The following KCNQ1 variants were observed in gnomAD, a reference collection of about 807,000 sequenced individuals.
KCNQ1 encodes the protein potassium voltage-gated channel subfamily KQT member 1.
In KCNQ1, 49 loss-of-function variants were observed where a neutral mutation model predicts 72.4. That is an observed-to-expected ratio of 0.68 (90% CI 0.54 to 0.86). The LOEUF is 0.86. KCNQ1 is among the 40% of genes least tolerant of loss of function. KCNQ1 has a pLI of 0.00. For missense variants in KCNQ1, 790 were observed against 945.1 expected (o/e 0.84, Z 2.15); for synonymous variants, 450 against 412.6 (o/e 1.09, Z -1.10).
At chr11:2,810,150 T>C (rs1847458224) in intron 15 of KCNQ1, among the ~76,000 whole-genome samples, 1 of 152,238 alleles carries the variant, frequency 6.6e-6, no homozygotes, top group Non-Finnish European at 1.5e-5. Flanking sequence ...AGTCTTATAC[T>C]TGCTTTAGTC....
chr11:2,756,294 A>G (rs1846296500), intron 11 of KCNQ1, among the ~76,000 whole-genome samples: 2 of 152,228 alleles, frequency 1.3e-5, no homozygotes, highest in South Asian at 4.1e-4. Flanking sequence ...AGGGAGAGTG[A>G]GTAAACATGG....
chr11:2,661,393 T>C lies in KCNQ1; in HGVS notation c.1394-568T>C. On this transcript the variant is annotated intron_variant, in intron 10 of 15. Transcript: ENST00000155840. This position sits in a 1 kb window ranked among gnomAD's most constrained non-coding sequence, Gnocchi z 5.9. ...AGGAATCATAATGTGAAGCCAGCTG[T>C]TGGAGGGACTCCTGTGCCTCATTGG... 1 of 409,570 alleles carries C rather than the reference T, an allele frequency of 2.4e-6. No individual in the cohort carries two copies. Among genetic ancestry groups the C allele is most frequent in the Non-Finnish European group, 4.3e-6 (1 of 231,904 alleles). 25.4% of individuals were successfully genotyped at this position (409,570 alleles called of 1,614,324 possible). A position where few individuals can be genotyped will look rare whatever the true frequency, so the allele number is the denominator to read the frequency against.
At position 2,695,921 on chromosome 11, in the gene KCNQ1, C is replaced by CT. The variant is rs1178704587; in HGVS notation, c.1514+33843dup. ...ACCTTTTTCTTAATGATTTGTGGTG[C>CT]TTTCTGGTATATTTTAGCTGTTGTT... On this transcript the variant is annotated intron_variant, in intron 11 of 15. Transcript: ENST00000155840. The surrounding 1 kb of genome is among the most constrained non-coding windows in gnomAD (Gnocchi z 5.2). The CT allele has an allele frequency of 1.0e-5, 4 of 398,442 alleles. No individual in the cohort carries two copies. In the Admixed American group the frequency reaches 1.3e-4, roughly 13 times the overall value. 24.7% of individuals were successfully genotyped at this position (398,442 alleles called of 1,614,324 possible).
rs1194529942 is a variant in KCNQ1 at position 2,477,461 on chromosome 11, G to A, written c.386+31977G>A. Among the ~76,000 whole-genome samples, 1 of 152,188 alleles carries A rather than the reference G, an allele frequency of 6.6e-6. No homozygotes were observed. The highest frequency in any genetic ancestry group is 1.5e-5 in the Non-Finnish European group (1 of 68,040). ...ATGTTAGTGGCTCAATGGGCAGGGT[G>A]CCCAGGTTAGCTGTGAACAAAGTGA... On this transcript the variant is annotated intron_variant, in intron 1 of 15. Transcript: ENST00000155840. This position sits in a 1 kb window ranked among gnomAD's most constrained non-coding sequence, Gnocchi z 5.0.
chr11:2,810,976 G>A (rs934933253), intron 15 of KCNQ1, among the ~76,000 whole-genome samples: 6 of 152,220 alleles, frequency 3.9e-5, no homozygotes, highest in Non-Finnish European at 8.8e-5. Context: ...GGCCTGATGT[G>A]TGCCTCCACA....
intron 11 of KCNQ1, among the ~76,000 whole-genome samples, chr11:2,722,810 C>A (rs1328122450): frequency 1.3e-5 from 2 of 152,158 alleles, no homozygotes; most frequent in Non-Finnish European, 2.9e-5. Flanking sequence ...TCCCTCTACC[C>A]CACCAGGCTC....
Position 2,695,179 on chromosome 11 carries a change from C to T in KCNQ1, c.1514+33098C>T. The T allele has an allele frequency of 2.5e-6, 1 of 398,612 alleles. No homozygotes were observed. The allele number at this position is 398,612 out of a possible 1,614,324, so 24.7% of individuals were successfully genotyped here. ...GGACTCTGCACAGAGTTGATCACAG[C>T]CCTCAGCCTATGAAACACTGTCACC... is the stretch of plus-strand genomic sequence containing the variant. On this transcript the variant is annotated intron_variant, in intron 11 of 15. Coordinates refer to ENST00000155840, the MANE Select transcript of KCNQ1 (RefSeq NM_000218.3). This position sits in a 1 kb window ranked among gnomAD's most constrained non-coding sequence, Gnocchi z 5.2.
chr11:2,822,919 G>A (rs1364385540), intron 15 of KCNQ1, among the ~76,000 whole-genome samples: 1 of 147,486 alleles, frequency 6.8e-6, no homozygotes, highest in Non-Finnish European at 1.5e-5. Flanking sequence ...CAATTATGCT[G>A]CTGAATTAAA....
In KCNQ1 at chr11:2,671,539, T is replaced by A. The variant is rs534419432; in HGVS notation, c.1514+9458T>A. The A allele has an allele frequency of 2.5e-6, 1 of 398,536 alleles. No individual in the cohort carries two copies. Among genetic ancestry groups the A allele is most frequent in the Non-Finnish European group, 4.4e-6 (1 of 226,086 alleles). The allele number at this position is 398,536 out of a possible 1,614,324, so 24.7% of individuals were successfully genotyped here. On this transcript the variant is annotated intron_variant, in intron 11 of 15. Transcript: ENST00000155840. This position sits in a 1 kb window ranked among gnomAD's most constrained non-coding sequence, Gnocchi z 4.7. ...GGATTTTTCAAAGGTTAATTTTGAC[T>A]CTGCCTGACTTATCTCCTAAGTCTT...
In KCNQ1 at chr11:2,770,723, T is replaced by G. The variant is rs1237712053; in HGVS notation, c.1590+1804T>G. 2.0e-5 allele frequency among the ~76,000 whole-genome samples: 3 copies of G among 152,336 alleles called. No individual in the cohort carries two copies. The East Asian group carries it at 5.8e-4, about 29-fold the overall frequency. ...TCTGCCTGGCATGTTCTAGGGGAGA[T>G]CTGACAGCCCCTGTGGACCAGGGTG... On this transcript the variant is annotated intron_variant, in intron 12 of 15. Coordinates refer to ENST00000155840, the MANE Select transcript of KCNQ1 (RefSeq NM_000218.3).
chr11:2,571,246 C>G (rs1003255172), intron 3 of KCNQ1, 79 bp from the exon 4 acceptor site: 15 of 1,205,278 alleles, frequency 1.2e-5, no homozygotes, highest in Non-Finnish European at 1.9e-5. Flanking sequence ...CTTCCCCAGA[C>G]GAGAGCAGGG....
chr11:2,462,854 AGTG>A lies in KCNQ1; in HGVS notation c.386+17371_386+17373del, dbSNP rs1846298128. Among the ~76,000 whole-genome samples the A allele has an allele frequency of 6.6e-6, 1 of 152,108 alleles. No individual in the cohort carries two copies. The highest frequency in any genetic ancestry group is 6.5e-5 in the Admixed American group (1 of 15,268). ...GCTGGTGAGTCGGGGCCCAGCCCAG[AGTG>A]ACAGGGACCAAACCTGGGTCCATGT... On this transcript the variant is annotated intron_variant, in intron 1 of 15. Coordinates refer to ENST00000155840, the MANE Select transcript of KCNQ1 (RefSeq NM_000218.3). This position sits in a 1 kb window ranked among gnomAD's most constrained non-coding sequence, Gnocchi z 8.2.
At chr11:2,618,792 A>G (rs1019555066) in intron 10 of KCNQ1, 8 of 398,246 alleles carry the variant, frequency 2.0e-5, no homozygotes, top group Non-Finnish European at 3.5e-5. Context: ...CATTTTAACA[A>G]TATTATTCAG....
Position 2,691,199 on chromosome 11 carries a change from A to T in KCNQ1, c.1514+29118A>T. The T allele has an allele frequency of 2.5e-6, 1 of 398,612 alleles. No individual in the cohort carries two copies. Among genetic ancestry groups the T allele is most frequent in the Admixed American group, 4.4e-5 (1 of 22,738 alleles). The allele number at this position is 398,612 out of a possible 1,614,324, so 24.7% of individuals were successfully genotyped here. A position where few individuals can be genotyped will look rare whatever the true frequency, so the allele number is the denominator to read the frequency against. ...GGGTGCTCAGAGCTCAGCTGTGTTT[A>T]AAAATTAGCAAGTGGAGGAGTTAGA... On this transcript the variant is annotated intron_variant, in intron 11 of 15. Transcript: ENST00000155840. This position sits in a 1 kb window ranked among gnomAD's most constrained non-coding sequence, Gnocchi z 6.4.
chr11:2,628,377 CTGA>C (rs759784099), intron 10 of KCNQ1: 44 of 398,336 alleles, frequency 1.1e-4, no homozygotes, highest in Non-Finnish European at 1.9e-4. Flanking sequence ...TTGCATTTCC[CTGA>C]TGATAAGTGA....
rs1053636566 is a variant in KCNQ1 at position 2,468,031 on chromosome 11, G to T, written c.386+22547G>T. ...TTTCCTTTACCCCATCTGTAAAATA[G>T]GGATAACAGCAGCTTCTTAAAGGGC... On this transcript the variant is annotated intron_variant, in intron 1 of 15. Transcript: ENST00000155840. The surrounding 1 kb of genome is among the most constrained non-coding windows in gnomAD (Gnocchi z 5.7). 6.6e-6 allele frequency among the ~76,000 whole-genome samples: 1 copy of T among 152,260 alleles called. No homozygotes were observed. Among genetic ancestry groups the T allele is most frequent in the Non-Finnish European group, 1.5e-5 (1 of 68,040 alleles).
intron 10 of KCNQ1, chr11:2,625,669 G>A (rs889249053): frequency 2.8e-5 from 11 of 396,874 alleles, no homozygotes; most frequent in Admixed American, 4.4e-5. Flanking sequence ...TCTGCCTCCT[G>A]GGTTCACATC....
At position 2,498,734 on chromosome 11, in the gene KCNQ1, G is replaced by GA. The variant is rs1328062666; in HGVS notation, c.387-29188dup. Among the ~76,000 whole-genome samples the GA allele has an allele frequency of 6.6e-5, 10 of 152,162 alleles. No individual in the cohort carries two copies. Among genetic ancestry groups the GA allele is most frequent in the African/African-American group, 9.7e-5 (4 of 41,422 alleles). ...GGGTTCCAGGCACCACTGGGGTACAGAAAAAACTCCTGCAGCTAGTTCAAT... is the reference window on the plus strand; with the variant it reads ...GGGTTCCAGGCACCACTGGGGTACAGAAAAAAACTCCTGCAGCTAGTTCAAT... On this transcript the variant is annotated intron_variant, in intron 1 of 15. Coordinates refer to ENST00000155840, the MANE Select transcript of KCNQ1 (RefSeq NM_000218.3). The surrounding 1 kb of genome is among the most constrained non-coding windows in gnomAD (Gnocchi z 4.8).
chr11:2,445,725 G>A (rs1277451326), intron 1 of KCNQ1, among the ~76,000 whole-genome samples: 3 of 152,230 alleles, frequency 2.0e-5, no homozygotes, highest in Non-Finnish European at 4.4e-5. Context: ...GGCTGGGGAG[G>A]GGACCACCTG....
Sources: gnomAD v4.1 joint callset for allele counts (sites outside exome capture counted in the v4.1 genomes callset) on GRCh38, gnomAD v4.1.1 for gene constraint, Gnocchi (gnomAD v3.1) non-coding constraint, MANE v1.5 for transcripts, NCBI Gene and HGNC (gene_info 2026-07-23, HGNC 2026-07-21) for gene names.